The following CYYR1 variants were observed in gnomAD, a reference collection of about 807,000 sequenced individuals.
The protein encoded by CYYR1 is cysteine and tyrosine-rich protein 1.
CYYR1 carries 14 observed loss-of-function variants against 15.2 expected under a neutral mutation model. That is an observed-to-expected ratio of 0.92 (90% CI 0.61 to 1.44). CYYR1 has a LOEUF of 1.44. Ranked by LOEUF, CYYR1 falls within the 40% of genes most tolerant of loss-of-function variation. The probability of loss-of-function intolerance (pLI) is 0.00; values close to 1 mark genes in which losing one functional copy is unlikely to be tolerated. For missense variants in CYYR1, 228 were observed against 209.5 expected, an observed-to-expected ratio of 1.09 and a Z score of -0.54; for synonymous variants, 80 against 77.4, an observed-to-expected ratio of 1.03 and a Z score of -0.18.
chr21:26,536,916 G>GC (rs1425953728), intron 2 of CYYR1, among the ~76,000 whole-genome samples: 2 of 152,164 alleles, frequency 1.3e-5, no homozygotes, highest in African/African-American at 4.8e-5. Flanking sequence ...CCTACTGTGT[G>GC]CCAGGCCCAG....
chr21:26,526,286 A>G (rs2065864706), intron 2 of CYYR1, among the ~76,000 whole-genome samples: 1 of 152,028 alleles, frequency 6.6e-6, no homozygotes. Context: ...CGTCTCTACT[A>G]AAAATACAAA....
At position 26,467,340 on chromosome 21, in the gene CYYR1, A is replaced by G. The variant is rs1351841203; in HGVS notation, c.*1161T>C. 6.6e-6 allele frequency: 1 copy of G among 152,144 alleles called. No homozygotes were observed. Among genetic ancestry groups the G allele is most frequent in the Non-Finnish European group, 1.5e-5 (1 of 68,016 alleles). 9.4% of individuals were successfully genotyped at this position (152,144 alleles called of 1,614,324 possible). A position where few individuals can be genotyped will look rare whatever the true frequency, so the allele number is the denominator to read the frequency against. ...CACTTCATAAAATTTGCATTTTGGT[A>G]AAAGGCAACAATTTGATGTCAGTAT... On this transcript the variant is annotated 3_prime_UTR_variant, in exon 4 of 4. Transcript: ENST00000652641.
chr21:26,480,272 C>G lies in CYYR1; in HGVS notation c.334G>C (p.Ala112Pro). 1 of 1,604,578 alleles carries G rather than the reference C, an allele frequency of 6.2e-7. No homozygotes were observed. Among genetic ancestry groups the G allele is most frequent in the Non-Finnish European group, 8.5e-7 (1 of 1,176,356 alleles). ...THINTVSSYP[A>P]GPPPYGHDHE... The stretch of plus-strand genomic sequence containing the variant: ...TTCGAGAGTCAACAGTTTTGCTCAC[C>G]AGGATAGGAGGAGACGGTGTTGATG... Residue 112 changes from alanine to proline, a missense_variant and splice_region_variant, in exon 3 of 4, where the codon GCA becomes CCA. Physicochemically the swap from Ala to Pro is conservative, Grantham distance 27 (BLOSUM62 -1). Coordinates refer to ENST00000652641, the MANE Select transcript of CYYR1 (RefSeq NM_001320768.2).
At chr21:26,541,389 A>G (rs222950) in intron 2 of CYYR1, among the ~76,000 whole-genome samples, 100,475 of 151,984 alleles carry the variant, frequency 0.66, 33,417 homozygotes, top group East Asian at 0.86. Context: ...TACATATATA[A>G]GAACAAAAAT....
chr21:26,503,230 C>A (rs1287475914), intron 2 of CYYR1, among the ~76,000 whole-genome samples: 1 of 152,248 alleles, frequency 6.6e-6, no homozygotes, highest in Admixed American at 6.5e-5. Context: ...AATTTGGAAC[C>A]TGTTCCTGAG....
chr21:26,471,139 C>T (rs915036632), intron 3 of CYYR1: 12 of 152,142 alleles, frequency 7.9e-5, no homozygotes, highest in South Asian at 6.2e-4. Flanking sequence ...TTCATTATAT[C>T]TAGGAGCACT....
At position 26,572,935 on chromosome 21, in the gene CYYR1, G is replaced by A. The variant is rs200978810; in HGVS notation, c.6C>T (p.Asp2=). 49 of 1,613,712 alleles carry A rather than the reference G, an allele frequency of 3.0e-5. No homozygotes were observed. The highest frequency in any genetic ancestry group is 2.7e-5 in the African/African-American group (2 of 75,016). M[D]APRLPVRPGV... is the part of the protein sequence containing the mutation. ...CTGGACGCACGGGTAGCCTCGGAGCGTCCATCCAAGCCGGTGGCCTGAGGC... is the reference window on the plus strand; with the variant it reads ...CTGGACGCACGGGTAGCCTCGGAGCATCCATCCAAGCCGGTGGCCTGAGGC... The change falls in exon 1 of 4, where the codon GAC becomes GAT. Residue 2 remains aspartate (D), a synonymous_variant. Coordinates refer to ENST00000652641, the MANE Select transcript of CYYR1 (RefSeq NM_001320768.2).
intron 2 of CYYR1, among the ~76,000 whole-genome samples, chr21:26,556,673 T>C (rs563008061): frequency 6.6e-6 from 1 of 152,156 alleles, no homozygotes; most frequent in East Asian, 1.9e-4. Context: ...GGCTACACAC[T>C]TTTAAACAAC....
chr21:26,504,323 C>T lies in CYYR1; in HGVS notation c.177-23894G>A, dbSNP rs141803090. On this transcript the variant is annotated intron_variant, in intron 2 of 3. Coordinates refer to ENST00000652641, the MANE Select transcript of CYYR1 (RefSeq NM_001320768.2). The stretch of plus-strand genomic sequence containing the variant: ...TCTTGCCCTGTCACCCAGGCTGGAG[C>T]GCAGTGGTGCCATCTTGGCTCACTG... Among the ~76,000 whole-genome samples the T allele has an allele frequency of 1.4e-3, 209 of 151,886 alleles. 1 individual carries two copies. The highest frequency in any genetic ancestry group is 4.9e-3 in the African/African-American group (202 of 41,410).
chr21:26,535,415 AAG>A (rs2065982419), intron 2 of CYYR1, among the ~76,000 whole-genome samples: 1 of 152,134 alleles, frequency 6.6e-6, no homozygotes, highest in Non-Finnish European at 1.5e-5. Flanking sequence ...TGTGGGCAAA[AAG>A]GGGGAGAGGG....
At chr21:26,527,121 C>T (rs887237492) in intron 2 of CYYR1, among the ~76,000 whole-genome samples, 3 of 152,116 alleles carry the variant, frequency 2.0e-5, no homozygotes, top group African/African-American at 7.2e-5. Context: ...GGCTATCCCA[C>T]GTAACTCTAT....
In CYYR1 at chr21:26,468,570, G is replaced by A. The variant is rs755490130; in HGVS notation, c.399C>T (p.Tyr133=). 4 of 1,613,670 alleles carry A rather than the reference G, an allele frequency of 2.5e-6. No homozygotes were observed. The highest frequency in any genetic ancestry group is 3.4e-6 in the Non-Finnish European group (4 of 1,179,770). Reference sequence around the variant, plus strand: ...GTGCTGGACCCTGTGGGGTGGGGGAGTATGGAGGAGGCAAGTCTGCACAGT... The same window carrying A: ...GTGCTGGACCCTGTGGGGTGGGGGAATATGGAGGAGGCAAGTCTGCACAGT... ...MEYCADLPPP[Y]SPTPQGPAQR... Residue 133 remains tyrosine (Y), a synonymous_variant, in exon 4 of 4, where the codon TAC becomes TAT. Transcript: ENST00000652641.
intron 2 of CYYR1, among the ~76,000 whole-genome samples, chr21:26,499,284 G>A (rs1188508619): frequency 6.6e-6 from 1 of 152,182 alleles, no homozygotes; most frequent in Non-Finnish European, 1.5e-5. Flanking sequence ...ACACACAGGG[G>A]CGATGTGACA....
At chr21:26,556,574 G>A (rs1371407374) in intron 2 of CYYR1, among the ~76,000 whole-genome samples, 2 of 152,200 alleles carry the variant, frequency 1.3e-5, no homozygotes, top group East Asian at 1.9e-4. Context: ...CTGGGGAGAC[G>A]TCAGAAAACT....
intron 2 of CYYR1, among the ~76,000 whole-genome samples, chr21:26,533,629 C>A (rs111295809): frequency 0.012 from 1,878 of 152,208 alleles, 28 homozygotes; most frequent in African/African-American, 0.043. Flanking sequence ...CTTCCAGAAA[C>A]ACCCTCACAG....
intron 2 of CYYR1, among the ~76,000 whole-genome samples, chr21:26,505,245 A>G (rs2065539676): frequency 6.6e-6 from 1 of 152,208 alleles, no homozygotes; most frequent in African/African-American, 2.4e-5. Flanking sequence ...ATGGTGACCA[A>G]AGTAAGGTAA....
At chr21:26,487,789 A>T (rs1266791482) in intron 2 of CYYR1, among the ~76,000 whole-genome samples, 1 of 151,912 alleles carries the variant, frequency 6.6e-6, no homozygotes, top group East Asian at 1.9e-4. Flanking sequence ...TACGTGTATC[A>T]GATAAGAAAA....
intron 2 of CYYR1, among the ~76,000 whole-genome samples, chr21:26,548,284 T>C (rs941536866): frequency 1.4e-4 from 21 of 152,252 alleles, no homozygotes; most frequent in Non-Finnish European, 4.4e-5. Flanking sequence ...CATCCCTTAA[T>C]TGATAATTAC....
chr21:26,483,558 A>T (rs1394277038), intron 2 of CYYR1, among the ~76,000 whole-genome samples: 1 of 152,096 alleles, frequency 6.6e-6, no homozygotes, highest in East Asian at 1.9e-4. Flanking sequence ...CCATGAAAGC[A>T]TTCTCCAATT....
Sources: gnomAD v4.1 joint callset for allele counts (sites outside exome capture counted in the v4.1 genomes callset) on GRCh38, gnomAD v4.1.1 for gene constraint, MANE v1.5 for transcripts, NCBI Gene and HGNC (gene_info 2026-07-23, HGNC 2026-07-21) for gene names.